RPS6KC1: variants seen among roughly 807,000 people sequenced by gnomAD.
RPS6KC1 encodes the protein inactive ribosomal protein S6 kinase delta-1.
Under a neutral mutation model 103.8 loss-of-function variants are expected in RPS6KC1, and 54 were observed. The observed-to-expected ratio is 0.52, with a 90% CI of 0.42 to 0.65. The LOEUF (loss-of-function observed/expected upper bound fraction) is 0.65. RPS6KC1 is among the 30% of genes least tolerant of loss of function. RPS6KC1 has a pLI of 0.00. For synonymous variants in RPS6KC1, 439 were observed against 438.7 expected, an observed-to-expected ratio of 1.00 and a Z score of -0.01; for missense variants, 1,151 against 1,253.8, an observed-to-expected ratio of 0.92 and a Z score of 1.24.
At chr1:213,218,377 A>T (rs1489462697) in intron 8 of RPS6KC1, among the ~76,000 whole-genome samples, 1 of 152,156 alleles carries the variant, frequency 6.6e-6, no homozygotes, top group Non-Finnish European at 1.5e-5. Flanking sequence ...AAGAGGATAC[A>T]AACAAATGGA....
chr1:213,849,389 T>C, the RPS6KC1 span, among the ~76,000 whole-genome samples: 1 of 152,208 alleles, frequency 6.6e-6, no homozygotes, highest in Non-Finnish European at 1.5e-5. Flanking sequence ...GTAACTTTCA[T>C]TACCATTTAT....
At chr1:213,801,430 A>T in the RPS6KC1 span, among the ~76,000 whole-genome samples, 3 of 152,352 alleles carry the variant, frequency 2.0e-5, no homozygotes, top group Non-Finnish European at 4.4e-5. Context: ...GGAGACATGT[A>T]AATGTATAAT....
At chr1:213,151,463 G>T (rs1234294882) in intron 6 of RPS6KC1, among the ~76,000 whole-genome samples, 35 of 129,168 alleles carry the variant, frequency 2.7e-4, no homozygotes, top group Admixed American at 3.7e-4. Context: ...GCGGCTGGCC[G>T]GGCGGGGGGC....
the RPS6KC1 span, among the ~76,000 whole-genome samples, chr1:213,299,569 AAAT>A: frequency 6.6e-6 from 1 of 151,390 alleles, no homozygotes; most frequent in Admixed American, 6.6e-5. Context: ...AAAAAAAAAA[AAAT>A]ATGTCGTGAG....
the RPS6KC1 span, among the ~76,000 whole-genome samples, chr1:213,548,760 A>G: frequency 6.6e-6 from 1 of 152,204 alleles, no homozygotes; most frequent in African/African-American, 2.4e-5. Context: ...GGTATTAGTA[A>G]TATTGTATGA....
At chr1:213,852,914 C>T in the RPS6KC1 span, among the ~76,000 whole-genome samples, 1 of 152,158 alleles carries the variant, frequency 6.6e-6, no homozygotes, top group Non-Finnish European at 1.5e-5. Flanking sequence ...TTGAGGGCAT[C>T]GTAGTTTGTT....
At chr1:213,205,162 CTGTT>C (rs1476026801) in intron 8 of RPS6KC1, 10 of 710,854 alleles carry the variant, frequency 1.4e-5, no homozygotes, top group Admixed American at 1.3e-4. Context: ...TTTTACCTGT[CTGTT>C]TGAGTATCAC....
chr1:213,828,464 G>T, the RPS6KC1 span, among the ~76,000 whole-genome samples: 1 of 152,210 alleles, frequency 6.6e-6, no homozygotes, highest in African/African-American at 2.4e-5. Flanking sequence ...AAAGTCCACC[G>T]TGCACATGTT....
the RPS6KC1 span, among the ~76,000 whole-genome samples, chr1:213,671,037 C>T: frequency 2.0e-5 from 3 of 152,112 alleles, no homozygotes; most frequent in Non-Finnish European, 4.4e-5. Context: ...GTGGCTTTGA[C>T]CAGAAAGCAC....
chr1:213,185,891 G>C (rs1411501296), intron 8 of RPS6KC1, among the ~76,000 whole-genome samples: 1 of 150,620 alleles, frequency 6.6e-6, no homozygotes, highest in African/African-American at 2.4e-5. Context: ...TTGTGCTGTG[G>C]TTGCCAGTTA....
chr1:213,782,774 C>A, the RPS6KC1 span, among the ~76,000 whole-genome samples: 5 of 152,162 alleles, frequency 3.3e-5, no homozygotes, highest in East Asian at 9.7e-4. Flanking sequence ...ATTTTTCCAC[C>A]CTAAATTTGG....
At chr1:213,366,092 G>T in the RPS6KC1 span, among the ~76,000 whole-genome samples, 1 of 152,236 alleles carries the variant, frequency 6.6e-6, no homozygotes, top group Non-Finnish European at 1.5e-5. Context: ...CTCCTACTGG[G>T]CTATCTGTGA....
At chr1:213,291,470 A>G in the RPS6KC1 span, among the ~76,000 whole-genome samples, 148,061 of 152,350 alleles carry the variant, frequency 0.97, 72,102 homozygotes, top group East Asian at 1. Flanking sequence ...TTGGTGTTCT[A>G]TCCTTGGATC....
the RPS6KC1 span, among the ~76,000 whole-genome samples, chr1:213,712,540 C>T: frequency 2.6e-5 from 4 of 152,158 alleles, no homozygotes; most frequent in African/African-American, 4.8e-5. Flanking sequence ...GTCTTGCTTG[C>T]GTTCCAGGCA....
At chr1:213,469,220 G>A in the RPS6KC1 span, among the ~76,000 whole-genome samples, 191 of 152,236 alleles carry the variant, frequency 1.3e-3, 1 homozygote, top group Non-Finnish European at 2.0e-3. Flanking sequence ...GTCAATCAAA[G>A]CTGAATAAGA....
chr1:213,397,303 A>T, the RPS6KC1 span, among the ~76,000 whole-genome samples: 109 of 151,970 alleles, frequency 7.2e-4, no homozygotes, highest in East Asian at 0.018. Flanking sequence ...GTTTTGTCCC[A>T]TTCTGCTTTC....
chr1:213,085,741 T>C (rs759874200), intron 3 of RPS6KC1, among the ~76,000 whole-genome samples: 1 of 152,216 alleles, frequency 6.6e-6, no homozygotes, highest in Non-Finnish European at 1.5e-5. Context: ...CTATATATTG[T>C]ATCCATGAAT....
the RPS6KC1 span, among the ~76,000 whole-genome samples, chr1:213,545,214 A>G: frequency 6.6e-6 from 1 of 151,838 alleles, no homozygotes; most frequent in Non-Finnish European, 1.5e-5. Context: ...AAAAATACAA[A>G]AAAAACATTA....
intron 8 of RPS6KC1, among the ~76,000 whole-genome samples, chr1:213,200,369 A>G (rs2093117247): frequency 6.6e-6 from 1 of 152,186 alleles, no homozygotes. Context: ...GACCTGACAA[A>G]AACAAGCAAT....
Sources: allele counts gnomAD v4.1 joint callset (sites outside exome capture counted in the v4.1 genomes callset), GRCh38; gene constraint gnomAD v4.1.1; transcripts MANE v1.5; gene names NCBI Gene and HGNC (gene_info 2026-07-23, HGNC 2026-07-21).